The following AGBL4 variants were observed in gnomAD, a reference collection of about 807,000 sequenced individuals.
The protein encoded by AGBL4 is cytosolic carboxypeptidase 6.
A neutral mutation model predicts 66.4 loss-of-function variants in AGBL4; 58 were observed. That is an observed-to-expected ratio of 0.87 (90% CI 0.71 to 1.09). The LOEUF is 1.09. Among genes scored for constraint, AGBL4 ranks in the 50% least tolerant of loss-of-function variants. The probability of loss-of-function intolerance (pLI) is 0.00; values close to 1 mark genes in which losing one functional copy is unlikely to be tolerated. For synonymous variants in AGBL4, 234 were observed against 222.9 expected (o/e 1.05, Z -0.44); for missense variants, 579 against 631.0 (o/e 0.92, Z 0.88).
intron 5 of AGBL4, among the ~76,000 whole-genome samples, chr1:48,925,917 C>T (rs1654518741): frequency 6.6e-6 from 1 of 152,182 alleles, no homozygotes; most frequent in Non-Finnish European, 1.5e-5. Flanking sequence ...CACTCTCCCC[C>T]TACAACCCTC....
At chr1:49,971,207 G>A (rs1430333252) in intron 1 of AGBL4, among the ~76,000 whole-genome samples, 1 of 152,106 alleles carries the variant, frequency 6.6e-6, no homozygotes, top group Non-Finnish European at 1.5e-5. Context: ...TAAATTACAT[G>A]CTGTTCTGAG....
intron 2 of AGBL4, among the ~76,000 whole-genome samples, chr1:49,721,064 A>G (rs1232428529): frequency 6.6e-6 from 1 of 152,122 alleles, no homozygotes; most frequent in East Asian, 1.9e-4. Flanking sequence ...GTAGCTAGCA[A>G]GGGGATTGTA....
At chr1:49,034,893 A>AT (rs1430075768) in intron 5 of AGBL4, among the ~76,000 whole-genome samples, 1 of 152,112 alleles carries the variant, frequency 6.6e-6, no homozygotes, top group Non-Finnish European at 1.5e-5. Context: ...AAATGGGCTA[A>AT]TACAAGTATG....
chr1:49,005,165 T>C (rs1474389554), intron 5 of AGBL4, among the ~76,000 whole-genome samples: 1 of 152,202 alleles, frequency 6.6e-6, no homozygotes, highest in Admixed American at 6.5e-5. Context: ...ATGCAGGCTA[T>C]TTATCAAAAC....
intron 4 of AGBL4, among the ~76,000 whole-genome samples, chr1:49,164,984 T>C (rs541798693): frequency 6.6e-6 from 1 of 152,220 alleles, no homozygotes; most frequent in Admixed American, 6.5e-5. Context: ...ATGGAAAGGC[T>C]CCTGCCTTTC....
intron 3 of AGBL4, among the ~76,000 whole-genome samples, chr1:49,512,894 C>T (rs932024970): frequency 9.9e-5 from 15 of 152,070 alleles, no homozygotes; most frequent in Admixed American, 9.2e-4. Context: ...ATTTAACTCT[C>T]CTCCAAAAGT....
intron 3 of AGBL4, among the ~76,000 whole-genome samples, chr1:49,389,321 C>A (rs1232877344): frequency 1.3e-5 from 2 of 152,034 alleles, no homozygotes; most frequent in Admixed American, 6.5e-5. Flanking sequence ...ACAGAGGAAA[C>A]AGACCTTAAA....
chr1:49,323,626 T>A (rs966636620), intron 3 of AGBL4, among the ~76,000 whole-genome samples: 2 of 151,832 alleles, frequency 1.3e-5, no homozygotes, highest in African/African-American at 4.8e-5. Context: ...TTTCCATCAC[T>A]TAAAATGGCC....
At chr1:49,433,298 C>G (rs572706200) in intron 3 of AGBL4, among the ~76,000 whole-genome samples, 1 of 152,264 alleles carries the variant, frequency 6.6e-6, no homozygotes, top group South Asian at 2.1e-4. Context: ...TGGCTTGTGA[C>G]TGGCGTAGGA....
chr1:48,900,931 A>G (rs1165475443), intron 5 of AGBL4, among the ~76,000 whole-genome samples: 1 of 152,222 alleles, frequency 6.6e-6, no homozygotes, highest in Non-Finnish European at 1.5e-5. Context: ...TTAAAAGACA[A>G]ACCATAGATT....
chr1:49,229,226 A>G (rs1018868156), intron 4 of AGBL4, among the ~76,000 whole-genome samples: 1 of 152,218 alleles, frequency 6.6e-6, no homozygotes, highest in African/African-American at 2.4e-5. Context: ...GCATACCATG[A>G]ATCAAGGTGT....
chr1:49,763,621 G>A (rs1449643418), intron 2 of AGBL4, among the ~76,000 whole-genome samples: 2 of 152,158 alleles, frequency 1.3e-5, no homozygotes, highest in Non-Finnish European at 2.9e-5. Context: ...CATAATGTAA[G>A]GCAACAGTGA....
intron 3 of AGBL4, among the ~76,000 whole-genome samples, chr1:49,257,978 G>T (rs919128670): frequency 2.0e-5 from 3 of 152,156 alleles, no homozygotes; most frequent in African/African-American, 4.8e-5. Context: ...CCAGAGGAAC[G>T]ATCAGACAGC....
At chr1:49,454,029 C>G (rs61783600) in intron 3 of AGBL4, among the ~76,000 whole-genome samples, 73 of 151,746 alleles carry the variant, frequency 4.8e-4, no homozygotes, top group Non-Finnish European at 8.7e-4. Flanking sequence ...TTCAAAGCAG[C>G]CAGCATGGAG....
chr1:48,924,504 G>C (rs78214337), intron 5 of AGBL4, among the ~76,000 whole-genome samples: 1,898 of 152,172 alleles, frequency 0.012, 37 homozygotes, highest in African/African-American at 0.039. Context: ...TTCACACTTG[G>C]AACACACTCA....
chr1:49,948,564 AATATATATATATATAT>A (rs71059566), intron 1 of AGBL4, among the ~76,000 whole-genome samples: 3 of 64,606 alleles, frequency 4.6e-5, no homozygotes, highest in African/African-American at 1.2e-4. Flanking sequence ...AATATATAAA[AATATATATATATATAT>A]ATAGAGAGAG....
intron 6 of AGBL4, among the ~76,000 whole-genome samples, chr1:48,843,774 G>A (rs1241552363): frequency 2.0e-5 from 3 of 151,978 alleles, no homozygotes; most frequent in Non-Finnish European, 4.4e-5. Context: ...AACCGAGACT[G>A]AGAGAGGTGA....
chr1:49,910,939 T>A (rs1184659750), intron 1 of AGBL4, among the ~76,000 whole-genome samples: 1 of 151,928 alleles, frequency 6.6e-6, no homozygotes, highest in Non-Finnish European at 1.5e-5. Flanking sequence ...TCATGCCACT[T>A]CCCTCCAGGC....
At chr1:49,095,694 T>C (rs1645084379) in intron 4 of AGBL4, among the ~76,000 whole-genome samples, 1 of 151,740 alleles carries the variant, frequency 6.6e-6, no homozygotes, top group Non-Finnish European at 1.5e-5. Context: ...CAATTCAAGA[T>C]GGATTAAAGA....
Sources: gnomAD v4.1 joint callset for allele counts (sites outside exome capture counted in the v4.1 genomes callset) on GRCh38, gnomAD v4.1.1 for gene constraint, MANE v1.5 for transcripts, NCBI Gene and HGNC (gene_info 2026-07-23, HGNC 2026-07-21) for gene names.